RAB40B: variants seen among roughly 807,000 people sequenced by gnomAD.
RAB40B encodes the protein ras-related protein Rab-40B.
Under a neutral mutation model 24.0 loss-of-function variants are expected in RAB40B, and 21 were observed. The ratio of observed to expected loss-of-function variants is 0.88; its 90% CI spans 0.62 to 1.26. The LOEUF is 1.26. Among genes scored for constraint, RAB40B ranks in the 50% most tolerant of loss-of-function variants. RAB40B has a pLI of 0.00. For missense variants in RAB40B, 348 were observed against 390.5 expected, an observed-to-expected ratio of 0.89 and a Z score of 0.92; for synonymous variants, 167 against 169.8, an observed-to-expected ratio of 0.98 and a Z score of 0.13.
intron 1 of RAB40B, among the ~76,000 whole-genome samples, chr17:82,666,833 A>C (rs966928089): frequency 3.9e-5 from 6 of 152,190 alleles, no homozygotes; most frequent in Non-Finnish European, 7.4e-5. Flanking sequence ...TGCTTGATTT[A>C]TTTCATGTAT....
chr17:82,660,939 A>C, intron 3 of RAB40B, 48 bp downstream of exon 3: 1 of 1,578,026 alleles, frequency 6.3e-7, no homozygotes, highest in Non-Finnish European at 8.7e-7. Flanking sequence ...TGTAAATGTT[A>C]TTATTCAAAG....
intron 1 of RAB40B, among the ~76,000 whole-genome samples, chr17:82,676,483 C>T (rs1014666521): frequency 5.9e-5 from 9 of 151,488 alleles, no homozygotes; most frequent in Non-Finnish European, 1.2e-4. Context: ...CCTCTCCTCA[C>T]CCACACACCA....
chr17:82,684,819 A>G (rs1178732691), intron 1 of RAB40B, among the ~76,000 whole-genome samples: 2 of 152,128 alleles, frequency 1.3e-5, no homozygotes, highest in Admixed American at 1.3e-4. Flanking sequence ...GTCTTTGTCA[A>G]AACTCAAGAC....
At chr17:82,664,290 G>C (rs1479070921) in intron 2 of RAB40B, among the ~76,000 whole-genome samples, 10 of 144,998 alleles carry the variant, frequency 6.9e-5, no homozygotes, top group Admixed American at 6.1e-4. Flanking sequence ...TGCTCCCCGG[G>C]GTGCTGTGCT....
intron 1 of RAB40B, chr17:82,664,838 A>C (rs1486451298): frequency 1.5e-5 from 5 of 339,242 alleles, no homozygotes; most frequent in East Asian, 6.0e-5. Flanking sequence ...CAGGGCCTAC[A>C]TGTGACCTGG....
chr17:82,691,577 G>A (rs1289650989), intron 1 of RAB40B, among the ~76,000 whole-genome samples: 1 of 152,156 alleles, frequency 6.6e-6, no homozygotes, highest in African/African-American at 2.4e-5. Context: ...AGCTACTCGG[G>A]GGGCTGAGGC....
chr17:82,658,841 C>T lies in RAB40B; in HGVS notation c.343-128G>A, dbSNP rs2046123166. Reference sequence around the variant, plus strand: ...GTCCACCCAGAACCTCAGCATGGGACCTCGTTTGGAAAGACCGTCTTTGCA... The same window carrying T: ...GTCCACCCAGAACCTCAGCATGGGATCTCGTTTGGAAAGACCGTCTTTGCA... On this transcript the variant is annotated intron_variant, in intron 4 of 5. Transcript: ENST00000571995. The T allele has an allele frequency of 8.3e-5, 67 of 810,810 alleles. 5 individuals carry two copies. The South Asian group carries it at 1.2e-3, about 15-fold the overall frequency. The allele number at this position is 810,810 out of a possible 1,614,324, so 50.2% of individuals were successfully genotyped here.
intron 1 of RAB40B, among the ~76,000 whole-genome samples, chr17:82,674,427 C>A (rs1285638153): frequency 6.8e-6 from 1 of 146,810 alleles, no homozygotes; most frequent in South Asian, 2.2e-4. Context: ...GTCAGGAGTT[C>A]GAGACCATCC....
chr17:82,659,294 AG>A, intron 4 of RAB40B: 1 of 439,732 alleles, frequency 2.3e-6, no homozygotes. Flanking sequence ...CGACCACAGC[AG>A]GGAGTGAAGC....
chr17:82,659,623 C>T lies in RAB40B; in HGVS notation c.299G>A (p.Trp100Ter). The T allele has an allele frequency of 6.2e-7, 1 of 1,614,170 alleles. No individual in the cohort carries two copies. The highest frequency in any genetic ancestry group is 8.5e-7 in the Non-Finnish European group (1 of 1,180,036). Residue 100 changes from tryptophan (W) to a stop codon, truncating the protein, a stop_gained, in exon 4 of 6, where the codon TGG becomes TAG. Coordinates refer to ENST00000571995, the MANE Select transcript of RAB40B (RefSeq NM_006822.3). LOFTEE classifies it high-confidence loss of function. ...CCATCGATCAATGCCGTCAAAAGACCAGCGGTTCGCAATGTCATAGACCAG... is the reference window on the plus strand; with the variant it reads ...CCATCGATCAATGCCGTCAAAAGACTAGCGGTTCGCAATGTCATAGACCAG... ...VILVYDIANR[W>*]SFDGIDRWIK...
intron 2 of RAB40B, among the ~76,000 whole-genome samples, chr17:82,662,936 T>C (rs981090949): frequency 6.7e-6 from 1 of 149,888 alleles, no homozygotes; most frequent in Non-Finnish European, 1.5e-5. Context: ...GTGCGGCCTT[T>C]GGGTGGCCTT....
intron 3 of RAB40B, among the ~76,000 whole-genome samples, chr17:82,660,010 GCA>G (rs1004498558): frequency 2.0e-5 from 3 of 152,194 alleles, no homozygotes; most frequent in African/African-American, 4.8e-5. Context: ...TGGAGCTCAC[GCA>G]CACACAGGCA....
Position 82,661,057 on chromosome 17 carries a change from A to G in RAB40B, c.204-10T>C. Reference sequence around the variant, plus strand: ...CTGGCCTGAAGTATCCCTGGAAAAGATGTTGGAGACCATTAAGAAGAAACC... The same window carrying G: ...CTGGCCTGAAGTATCCCTGGAAAAGGTGTTGGAGACCATTAAGAAGAAACC... On this transcript the variant is annotated splice_polypyrimidine_tract_variant and intron_variant, in intron 2 of 5. Coordinates refer to ENST00000571995, the MANE Select transcript of RAB40B (RefSeq NM_006822.3). 6.2e-7 allele frequency: 1 copy of G among 1,613,896 alleles called. No homozygotes were observed. Among genetic ancestry groups the G allele is most frequent in the Non-Finnish European group, 8.5e-7 (1 of 1,179,954 alleles).
chr17:82,664,367 CG>C, intron 2 of RAB40B, 128 bp downstream of exon 2: 4 of 841,136 alleles, frequency 4.8e-6, no homozygotes, highest in Non-Finnish European at 5.5e-6. Context: ...AGGGTGTTCC[CG>C]GGGGCGCTGT....
chr17:82,688,334 GC>G (rs1014539267), intron 1 of RAB40B, among the ~76,000 whole-genome samples: 11 of 151,886 alleles, frequency 7.2e-5, no homozygotes, highest in African/African-American at 2.7e-4. Flanking sequence ...ATTGTTTTGG[GC>G]CGGGCACGGT....
At position 82,697,453 on chromosome 17, in the gene RAB40B, A is replaced by G. The variant is rs2046621445; in HGVS notation, c.142+1002T>C. 6.6e-6 allele frequency among the ~76,000 whole-genome samples: 1 copy of G among 151,872 alleles called. No individual in the cohort carries two copies. Among genetic ancestry groups the G allele is most frequent in the South Asian group, 2.1e-4 (1 of 4,804 alleles). ...GACAGGTCCTTCCCACCAAGACTCC[A>G]TCTCCACGCCCGGCTGCCCTCCTCC... On this transcript the variant is annotated intron_variant, in intron 1 of 5. Coordinates refer to ENST00000571995, the MANE Select transcript of RAB40B (RefSeq NM_006822.3). The surrounding 1 kb of genome is among the most constrained non-coding windows in gnomAD (Gnocchi z 4.9).
chr17:82,685,194 A>G lies in RAB40B; in HGVS notation c.142+13261T>C, dbSNP rs550488247. The stretch of plus-strand genomic sequence containing the variant: ...AAACCATATCTCAATAAAAGCAGAG[A>G]GGAAGCGGGAGAGGAAAGGAATGGG... On this transcript the variant is annotated intron_variant, in intron 1 of 5. Transcript: ENST00000571995. Among the ~76,000 whole-genome samples, 12 of 137,054 alleles carry G rather than the reference A, an allele frequency of 8.8e-5. 1 individual carries two copies. In the East Asian group the frequency reaches 3.0e-3, roughly 34 times the overall value. The allele number at this position is 137,054 out of a possible 152,430, so 89.9% of individuals were successfully genotyped here.
chr17:82,680,737 A>T (rs2046440892), intron 1 of RAB40B, among the ~76,000 whole-genome samples: 2 of 152,258 alleles, frequency 1.3e-5, no homozygotes, highest in South Asian at 4.1e-4. Flanking sequence ...TTAATTCTAA[A>T]ATATAATTTC....
chr17:82,674,447 G>C (rs566647646), intron 1 of RAB40B, among the ~76,000 whole-genome samples: 37 of 145,284 alleles, frequency 2.5e-4, no homozygotes, highest in East Asian at 1.0e-3. Flanking sequence ...CTGGCTAACA[G>C]GGTGAAACCC....
Sources: allele counts gnomAD v4.1 joint callset (sites outside exome capture counted in the v4.1 genomes callset), GRCh38; gene constraint gnomAD v4.1.1; non-coding constraint Gnocchi (gnomAD v3.1); transcripts MANE v1.5; gene names NCBI Gene and HGNC (gene_info 2026-07-23, HGNC 2026-07-21).